The following ANK3 variants were observed in gnomAD, a reference collection of about 807,000 sequenced individuals.
The protein encoded by ANK3 is ankyrin 3.
In ANK3, 57 loss-of-function variants were observed where a neutral mutation model predicts 370.9. The observed-to-expected ratio is 0.15, with a 90% CI of 0.12 to 0.19. The LOEUF is 0.19. ANK3 is among the 10% of genes least tolerant of loss of function. The pLI is 1.00. For synonymous variants in ANK3, 1,929 were observed against 1,946.3 expected, an observed-to-expected ratio of 0.99 and a Z score of 0.23; for missense variants, 4,439 against 5,302.1, an observed-to-expected ratio of 0.84 and a Z score of 5.06.
At chr10:60,692,907 T>C (rs1343128185) in intron 1 of ANK3, among the ~76,000 whole-genome samples, 1 of 152,214 alleles carries the variant, frequency 6.6e-6, no homozygotes, top group Non-Finnish European at 1.5e-5. Flanking sequence ...ACAAAAAAAT[T>C]ATTTTATTAC....
intron 1 of ANK3, among the ~76,000 whole-genome samples, chr10:60,626,761 G>T (rs1390142351): frequency 6.6e-6 from 1 of 152,188 alleles, no homozygotes; most frequent in Middle Eastern, 3.2e-3. Flanking sequence ...CAGTGGGAAT[G>T]AGGTTAAGAG....
intron 1 of ANK3, among the ~76,000 whole-genome samples, chr10:60,368,407 C>G (rs557177920): frequency 6.6e-6 from 1 of 152,222 alleles, no homozygotes; most frequent in African/African-American, 2.4e-5. Flanking sequence ...CTGATAGATA[C>G]CAAGGCAAAC....
chr10:60,069,223 T>C lies in ANK3; in HGVS notation c.11658A>G (p.Ala3886=). The stretch of plus-strand genomic sequence containing the variant: ...ATTGACTAACCTGCTTCATTTTACT[T>C]GCTTTAGTGTTTGACATATGGTTCG... ...FPPNHMSNTK[A]SKMKQVSQSE... The change falls in exon 37 of 44, where the codon GCA becomes GCG. Residue 3886 remains alanine (A), a synonymous_variant. Coordinates refer to ENST00000280772, the MANE Select transcript of ANK3 (RefSeq NM_020987.5). 1 of 1,614,182 alleles carries C rather than the reference T, an allele frequency of 6.2e-7. No homozygotes were observed. The highest frequency in any genetic ancestry group is 8.5e-7 in the Non-Finnish European group (1 of 1,180,022).
At chr10:60,454,346 A>C (rs1398955303) in intron 2 of ANK3, among the ~76,000 whole-genome samples, 1 of 152,198 alleles carries the variant, frequency 6.6e-6, no homozygotes, top group Admixed American at 6.5e-5. Context: ...AGCACAATCT[A>C]GGATGACACT....
intron 1 of ANK3, among the ~76,000 whole-genome samples, chr10:60,372,166 A>C (rs2060188565): frequency 6.6e-6 from 1 of 152,218 alleles, no homozygotes; most frequent in African/African-American, 2.4e-5. Flanking sequence ...AAAGTTAAAG[A>C]GGAAGAAAAA....
intron 1 of ANK3, among the ~76,000 whole-genome samples, chr10:60,726,463 T>C (rs1397533482): frequency 1.3e-5 from 2 of 152,208 alleles, no homozygotes; most frequent in South Asian, 2.1e-4. Context: ...ATTCATCATG[T>C]ACCAAGTGCT....
Position 60,430,579 on chromosome 10 carries a change from A to T in ANK3, c.97-150940T>A, listed in dbSNP as rs73268870. On this transcript the variant is annotated intron_variant, in intron 2 of 43. Coordinates refer to the ANK3 transcript ENST00000373827. ...TGCTATCAATAACTGCACCAGGGTA[A>T]CAGAGCTGAATGATTTGTCCCAGGC... 6.2e-3 allele frequency among the ~76,000 whole-genome samples: 942 copies of T among 152,322 alleles called. 14 individuals carry two copies. Among genetic ancestry groups the T allele is most frequent in the African/African-American group, 0.02 (848 of 41,568 alleles).
chr10:60,033,730 G>A (rs1476256460), intron 43 of ANK3, among the ~76,000 whole-genome samples: 1 of 152,010 alleles, frequency 6.6e-6, no homozygotes, highest in Non-Finnish European at 1.5e-5. Context: ...CCTATCTTTA[G>A]TTTGGCATCT....
chr10:60,437,400 A>C (rs1334221571), intron 2 of ANK3, among the ~76,000 whole-genome samples: 1 of 152,254 alleles, frequency 6.6e-6, no homozygotes, highest in African/African-American at 2.4e-5. Flanking sequence ...GACCTTTAGC[A>C]TGTCCTTAAC....
intron 1 of ANK3, among the ~76,000 whole-genome samples, chr10:60,346,000 CAGTGGGGGAAAAGGT>C (rs1158588524): frequency 6.6e-6 from 1 of 151,948 alleles, no homozygotes; most frequent in African/African-American, 2.4e-5. Context: ...AATTTGAAAT[CAGTGGGGGAAAAGGT>C]AGATTATTCA....
intron 2 of ANK3, among the ~76,000 whole-genome samples, chr10:60,438,036 C>T (rs752545989): frequency 5.9e-5 from 9 of 152,006 alleles, no homozygotes; most frequent in Non-Finnish European, 1.2e-4. Context: ...GCTGAAGTGT[C>T]CATTAAAGCT....
At chr10:60,246,202 G>C (rs2132582895) in intron 7 of ANK3, among the ~76,000 whole-genome samples, 1 of 143,880 alleles carries the variant, frequency 7.0e-6, no homozygotes, top group South Asian at 2.2e-4. Flanking sequence ...CTTGCAGTGA[G>C]CTGAGATTGT....
intron 25 of ANK3, among the ~76,000 whole-genome samples, chr10:60,126,333 G>A (rs2093752245): frequency 6.6e-6 from 1 of 152,148 alleles, no homozygotes; most frequent in Non-Finnish European, 1.5e-5. Flanking sequence ...GAAATGGAAG[G>A]TGTTCATTTT....
intron 2 of ANK3, among the ~76,000 whole-genome samples, chr10:60,419,210 T>C (rs2063730232): frequency 6.6e-6 from 1 of 152,168 alleles, no homozygotes; most frequent in Admixed American, 6.6e-5. Context: ...GAAAAAGTAC[T>C]GGGTCAGGAG....
intron 1 of ANK3, among the ~76,000 whole-genome samples, chr10:60,673,770 T>A (rs1037351062): frequency 3.9e-4 from 60 of 152,222 alleles, no homozygotes; most frequent in African/African-American, 1.4e-3. Context: ...TGGATCTCCT[T>A]CCTTCTGCAC....
At chr10:60,664,952 G>C (rs1268227249) in intron 1 of ANK3, among the ~76,000 whole-genome samples, 1 of 152,142 alleles carries the variant, frequency 6.6e-6, no homozygotes, top group Non-Finnish European at 1.5e-5. Context: ...TTAAACCATA[G>C]AATCAATTAT....
At chr10:60,556,028 G>A (rs2077198824) in intron 2 of ANK3, among the ~76,000 whole-genome samples, 1 of 152,172 alleles carries the variant, frequency 6.6e-6, no homozygotes, top group Non-Finnish European at 1.5e-5. Context: ...CCAAAGCCTT[G>A]GCTGCAGTTG....
chr10:60,514,771 A>G (rs569077742), intron 2 of ANK3, among the ~76,000 whole-genome samples: 21 of 152,288 alleles, frequency 1.4e-4, no homozygotes, highest in African/African-American at 5.1e-4. Context: ...AGAACCACTA[A>G]AGGATAAAAA....
chr10:60,572,398 C>A, intron 2 of ANK3: 1 of 1,460,342 alleles, frequency 6.8e-7, no homozygotes, highest in Non-Finnish European at 9.1e-7. Context: ...AAAATTCAGC[C>A]TAAAGATCAC....
Sources: gnomAD v4.1 joint callset for allele counts (sites outside exome capture counted in the v4.1 genomes callset) on GRCh38, gnomAD v4.1.1 for gene constraint, MANE v1.5 for transcripts, NCBI Gene and HGNC (gene_info 2026-07-23, HGNC 2026-07-21) for gene names.